The following GPR39 variants were observed in gnomAD, a reference collection of about 807,000 sequenced individuals.
GPR39 encodes G protein-coupled receptor 39.
GPR39 carries 23 observed loss-of-function variants against 18.4 expected under a neutral mutation model. The observed-to-expected ratio is 1.25, with a 90% CI of 0.90 to 1.77. GPR39 has a LOEUF of 1.77. Ranked by LOEUF, GPR39 falls within the 40% of genes most tolerant of loss-of-function variation. The pLI, the probability that GPR39 is intolerant of heterozygous loss-of-function variation, is 0.00. For missense variants in GPR39, 647 were observed against 602.4 expected, an observed-to-expected ratio of 1.07 and a Z score of -0.78; for synonymous variants, 280 against 257.9, an observed-to-expected ratio of 1.09 and a Z score of -0.82.
intron 1 of GPR39, among the ~76,000 whole-genome samples, chr2:132,469,038 G>A (rs933719705): frequency 6.6e-6 from 1 of 152,234 alleles, no homozygotes; most frequent in African/African-American, 2.4e-5. Flanking sequence ...GCAGGAGTCA[G>A]CCTTGCTGGG....
chr2:132,537,996 C>T (rs1416619620), intron 1 of GPR39, among the ~76,000 whole-genome samples: 2 of 152,042 alleles, frequency 1.3e-5, no homozygotes, highest in Non-Finnish European at 2.9e-5. Flanking sequence ...AGAACATGCT[C>T]CTTTAGCTCA....
In GPR39 at chr2:132,645,925, CGGACTCCCGCTCCCTACCCAGAATAAAA is replaced by C. The variant is rs1031570760; in HGVS notation, c.*324_*351del. The C allele has an allele frequency of 1.4e-6, 1 of 734,818 alleles. No individual in the cohort carries two copies. The highest frequency in any genetic ancestry group is 1.8e-5 in the African/African-American group (1 of 55,704). The allele number at this position is 734,818 out of a possible 1,614,324, so 45.5% of individuals were successfully genotyped here. ...ATTTGCACAGGAACAAAAGAGAACA[CGGACTCCCGCTCCCTACCCAGAATAAAA>C]GGACACCCAGAAGAAACTCACTCAG... On this transcript the variant is annotated 3_prime_UTR_variant, in exon 2 of 2. Transcript: ENST00000329321.
chr2:132,586,369 G>A (rs748165628), intron 1 of GPR39, among the ~76,000 whole-genome samples: 1 of 152,144 alleles, frequency 6.6e-6, no homozygotes, highest in Admixed American at 6.5e-5. Context: ...CTGGTGACAG[G>A]CGCGCTCCAG....
intron 1 of GPR39, among the ~76,000 whole-genome samples, chr2:132,483,523 G>A (rs964739302): frequency 1.1e-4 from 16 of 152,202 alleles, no homozygotes; most frequent in African/African-American, 1.2e-4. Context: ...CATTCAGGCC[G>A]TGATTGGCCG....
intron 1 of GPR39, among the ~76,000 whole-genome samples, chr2:132,517,663 T>C (rs2104764067): frequency 6.6e-6 from 1 of 152,338 alleles, no homozygotes; most frequent in East Asian, 1.9e-4. Context: ...ATTATGTTAT[T>C]GATCGCCAAA....
intron 1 of GPR39, among the ~76,000 whole-genome samples, chr2:132,538,834 C>G (rs138318010): frequency 3.5e-4 from 53 of 152,294 alleles, no homozygotes; most frequent in African/African-American, 1.2e-3. Flanking sequence ...TCTGCTCAGT[C>G]CAAACCTCTC....
chr2:132,614,607 G>A (rs1456513860), intron 1 of GPR39, among the ~76,000 whole-genome samples: 2 of 151,048 alleles, frequency 1.3e-5, no homozygotes, highest in Non-Finnish European at 2.9e-5. Flanking sequence ...CTGGAATGCA[G>A]TGGTGCTGTC....
At chr2:132,531,290 A>G (rs1190855461) in intron 1 of GPR39, among the ~76,000 whole-genome samples, 1 of 152,240 alleles carries the variant, frequency 6.6e-6, no homozygotes, top group Non-Finnish European at 1.5e-5. Context: ...GATCAATTCA[A>G]CAAGAAGAGC....
intron 1 of GPR39, among the ~76,000 whole-genome samples, chr2:132,643,539 AGT>A (rs1681907559): frequency 6.6e-6 from 1 of 152,162 alleles, no homozygotes; most frequent in Non-Finnish European, 1.5e-5. Context: ...TTATTGAGAC[AGT>A]TTCACTCTGT....
At chr2:132,510,117 A>G (rs1479226081) in intron 1 of GPR39, among the ~76,000 whole-genome samples, 2 of 152,206 alleles carry the variant, frequency 1.3e-5, no homozygotes, top group Admixed American at 6.5e-5. Flanking sequence ...ATGGTTGGTC[A>G]TAACATTTGT....
chr2:132,625,874 G>A (rs1681533592), intron 1 of GPR39, among the ~76,000 whole-genome samples: 1 of 152,104 alleles, frequency 6.6e-6, no homozygotes, highest in African/African-American at 2.4e-5. Flanking sequence ...GGCCAAGGCG[G>A]GTGGATCACA....
intron 1 of GPR39, among the ~76,000 whole-genome samples, chr2:132,540,341 G>A (rs1679840493): frequency 6.6e-6 from 1 of 152,202 alleles, no homozygotes. Context: ...GGGGAGGGGA[G>A]GAGAGGAGGC....
chr2:132,429,458 C>G (rs1411560052), intron 1 of GPR39, among the ~76,000 whole-genome samples: 1 of 152,206 alleles, frequency 6.6e-6, no homozygotes, highest in African/African-American at 2.4e-5. Flanking sequence ...GTCCTGCTTC[C>G]TCAAGATAGT....
intron 1 of GPR39, among the ~76,000 whole-genome samples, chr2:132,621,442 A>G (rs10182448): frequency 0.024 from 3,582 of 152,298 alleles, 128 homozygotes; most frequent in African/African-American, 0.081. Flanking sequence ...TGTCAGCCAC[A>G]TGTCTTGACT....
At chr2:132,448,385 G>T (rs950861682) in intron 1 of GPR39, among the ~76,000 whole-genome samples, 2 of 152,152 alleles carry the variant, frequency 1.3e-5, no homozygotes, top group African/African-American at 4.8e-5. Flanking sequence ...TTTCTCTAAC[G>T]TTTTGTTTGG....
At chr2:132,607,915 G>A (rs1003639808) in intron 1 of GPR39, among the ~76,000 whole-genome samples, 1 of 152,140 alleles carries the variant, frequency 6.6e-6, no homozygotes, top group African/African-American at 2.4e-5. Flanking sequence ...ATCATAGTGT[G>A]CAATTAATGA....
Position 132,417,156 on chromosome 2 carries a change from GATC to G in GPR39, c.118_120del (p.Ile40del). ...AAATCACCCTTATTCTGGTGTACCTGATCATCTTCGTGATGGGCCTTCTGGGGA... is the reference window on the plus strand; with the variant it reads ...AAATCACCCTTATTCTGGTGTACCTGATCTTCGTGATGGGCCTTCTGGGGA... On this transcript the variant is annotated inframe_deletion, in exon 1 of 2. Coordinates refer to ENST00000329321, the MANE Select transcript of GPR39 (RefSeq NM_001508.3). 6.2e-7 allele frequency: 1 copy of G among 1,614,166 alleles called. No individual in the cohort carries two copies. The highest frequency in any genetic ancestry group is 8.5e-7 in the Non-Finnish European group (1 of 1,180,028).
chr2:132,614,407 A>G (rs1681295695), intron 1 of GPR39, among the ~76,000 whole-genome samples: 1 of 151,066 alleles, frequency 6.6e-6, no homozygotes, highest in African/African-American at 2.4e-5. Flanking sequence ...TGGTTTCACC[A>G]TGTTGCTCTC....
At chr2:132,422,278 G>C (rs973660646) in intron 1 of GPR39, among the ~76,000 whole-genome samples, 6 of 152,130 alleles carry the variant, frequency 3.9e-5, no homozygotes, top group Non-Finnish European at 8.8e-5. Flanking sequence ...GCAAATCTTT[G>C]CTTGTCAGTG....
Sources: gnomAD v4.1 joint callset for allele counts (sites outside exome capture counted in the v4.1 genomes callset) on GRCh38, gnomAD v4.1.1 for gene constraint, MANE v1.5 for transcripts, NCBI Gene and HGNC (gene_info 2026-07-23, HGNC 2026-07-21) for gene names.